The following HAUS1 variants were observed in gnomAD, a reference collection of about 807,000 sequenced individuals.
The protein encoded by HAUS1 is HAUS augmin like complex subunit 1.
In HAUS1, 25 loss-of-function variants were observed where a neutral mutation model predicts 38.6. That is an observed-to-expected ratio of 0.65 (90% CI 0.47 to 0.91). The LOEUF is 0.91. HAUS1 is among the 40% of genes least tolerant of loss of function. HAUS1 has a pLI of 0.00. For synonymous variants in HAUS1, 109 were observed against 112.9 expected, an observed-to-expected ratio of 0.97 and a Z score of 0.22; for missense variants, 325 against 328.4, an observed-to-expected ratio of 0.99 and a Z score of 0.08.
chr18:46,127,160 C>T (rs148752921), intron 8 of HAUS1, among the ~76,000 whole-genome samples: 87 of 150,922 alleles, frequency 5.8e-4, no homozygotes, highest in African/African-American at 2.0e-3. Flanking sequence ...TTAGTAGAGA[C>T]GGGGTTTCAC....
At chr18:46,118,405 A>ACT in intron 3 of HAUS1, 89 bp downstream of exon 3, 1 of 1,286,360 alleles carries the variant, frequency 7.8e-7, no homozygotes, top group African/African-American at 1.5e-5. Flanking sequence ...CTATATGAAA[A>ACT]ATTGGCAATA....
chr18:46,117,947 AAAAGAAAAAT>A (rs543959111), intron 2 of HAUS1, among the ~76,000 whole-genome samples: 45 of 152,242 alleles, frequency 3.0e-4, no homozygotes, highest in Admixed American at 2.2e-3. Flanking sequence ...CTCCATTTCA[AAAAGAAAAAT>A]AAAGAAAAAT....
chr18:46,117,483 A>G (rs2144257764), intron 2 of HAUS1, among the ~76,000 whole-genome samples: 1 of 152,304 alleles, frequency 6.6e-6, no homozygotes, highest in Non-Finnish European at 1.5e-5. Flanking sequence ...AGGCAAATGA[A>G]TAAAGACAGG....
chr18:46,123,029 G>A (rs1911989657), intron 5 of HAUS1, among the ~76,000 whole-genome samples: 1 of 152,122 alleles, frequency 6.6e-6, no homozygotes, highest in African/African-American at 2.4e-5. Context: ...GACTAACACA[G>A]TGAAACCCCG....
intron 4 of HAUS1, 128 bp from the exon 5 acceptor site, chr18:46,122,339 G>T: frequency 1.2e-6 from 1 of 836,520 alleles, no homozygotes. Flanking sequence ...CAACATGGAG[G>T]GGAAGATGAC....
chr18:46,104,440 A>C lies in HAUS1; in HGVS notation c.29A>C (p.Gln10Pro). Reference sequence around the variant, plus strand: ...GAGCCGCAGGAGGAGAGAGAAACGCAGGTGATGGGGCGGGAATGGGGATCG... The same window carrying C: ...GAGCCGCAGGAGGAGAGAGAAACGCCGGTGATGGGGCGGGAATGGGGATCG... MEPQEERET[Q>P]VAAWLKKIFG... The change falls in exon 1 of 9, where the codon CAG becomes CCG. Residue 10 changes from glutamine (Q) to proline (P), a missense_variant and splice_region_variant. By Grantham distance (76) the Gln-to-Pro change is moderately conservative. Coordinates refer to ENST00000282058, the MANE Select transcript of HAUS1 (RefSeq NM_138443.4). 3 of 1,466,408 alleles carry C rather than the reference A, an allele frequency of 2.0e-6. No individual in the cohort carries two copies. Among genetic ancestry groups the C allele is most frequent in the Non-Finnish European group, 2.7e-6 (3 of 1,099,160 alleles). The allele number at this position is 1,466,408 out of a possible 1,614,324, so 90.8% of individuals were successfully genotyped here.
intron 3 of HAUS1, among the ~76,000 whole-genome samples, chr18:46,118,898 C>T (rs983171089): frequency 3.3e-5 from 5 of 152,132 alleles, no homozygotes; most frequent in African/African-American, 1.2e-4. Context: ...GACAGAGTCT[C>T]ATTCTGTCAC....
chr18:46,113,705 T>G (rs1599811137), intron 2 of HAUS1, among the ~76,000 whole-genome samples: 1 of 152,332 alleles, frequency 6.6e-6, no homozygotes, highest in East Asian at 1.9e-4. Flanking sequence ...GTTCCTGTCT[T>G]ATTCTTTGCA....
At chr18:46,110,333 GTTTTTTTTTTTTTTTTTTT>G (rs71160713) in intron 2 of HAUS1, among the ~76,000 whole-genome samples, 1 of 49,994 alleles carries the variant, frequency 2.0e-5, no homozygotes, top group Non-Finnish European at 3.5e-5. Context: ...TTTTTTTAAG[GTTTTTTTTTTTTTTTTTTT>G]TTTTTTTTTT....
rs938096844 is a variant in HAUS1, at chr18:46,128,241, G to A, written c.*116G>A. 3.8e-6 allele frequency: 2 copies of A among 529,688 alleles called. No individual in the cohort carries two copies. Among genetic ancestry groups the A allele is most frequent in the Non-Finnish European group, 6.7e-6 (2 of 300,620 alleles). 32.8% of individuals were successfully genotyped at this position (529,688 alleles called of 1,614,324 possible). A position where few individuals can be genotyped will look rare whatever the true frequency, so the allele number is the denominator to read the frequency against. On this transcript the variant is annotated 3_prime_UTR_variant, in exon 9 of 9. Coordinates refer to ENST00000282058, the MANE Select transcript of HAUS1 (RefSeq NM_138443.4). ...AAACTTTCTGTGTTCTTAGATTACA[G>A]AATATCATAATTGATAGAATATGGT... is the stretch of plus-strand genomic sequence containing the variant.
At chr18:46,128,018 T>C (rs1912157126) in intron 8 of HAUS1, 57 bp from the exon 9 acceptor site, 1 of 1,034,348 alleles carries the variant, frequency 9.7e-7, no homozygotes, top group Non-Finnish European at 1.4e-6. Context: ...TAACATTAAA[T>C]AAAAGTTAGA....
rs71160713 is a variant in HAUS1 at position 46,110,333 on chromosome 18, G to GTTTTTTTT, written c.205+4987_205+4994dup. Among the ~76,000 whole-genome samples the GTTTTTTTT allele has an allele frequency of 1.0e-3, 52 of 50,014 alleles. 9 individuals carry two copies. The highest frequency in any genetic ancestry group is 1.3e-3 in the Non-Finnish European group (37 of 28,644). 32.8% of individuals were successfully genotyped at this position (50,014 alleles called of 152,430 possible). A position where few individuals can be genotyped will look rare whatever the true frequency, so the allele number is the denominator to read the frequency against. On this transcript the variant is annotated intron_variant, in intron 2 of 8. Coordinates refer to ENST00000282058, the MANE Select transcript of HAUS1 (RefSeq NM_138443.4). ...ACCATGCCCAGCTTATTTTTTTAAGGTTTTTTTTTTTTTTTTTTTTTTTTT... is the reference window on the plus strand; with the variant it reads ...ACCATGCCCAGCTTATTTTTTTAAGGTTTTTTTTTTTTTTTTTTTTTTTTTTTTTTTTT...
chr18:46,116,310 C>G (rs978545798), intron 2 of HAUS1, among the ~76,000 whole-genome samples: 2 of 150,954 alleles, frequency 1.3e-5, no homozygotes, highest in Non-Finnish European at 3.0e-5. Context: ...ACCTGTAATC[C>G]CACCACTTTG....
At position 46,128,123 on chromosome 18, in the gene HAUS1, T is replaced by C; in HGVS notation, c.835T>C (p.Ter279ArgextTer10). The C allele has an allele frequency of 6.3e-7, 1 of 1,582,620 alleles. No individual in the cohort carries two copies. Among genetic ancestry groups the C allele is most frequent in the Non-Finnish European group, 8.6e-7 (1 of 1,165,720 alleles). ...LTRRVDMMEL[*>R] is the part of the protein sequence containing the mutation. ...AAGAAGAGTAGACATGATGGAACTG[T>C]GACAAAAGCCAAATAAACATCCTTT... is the stretch of plus-strand genomic sequence containing the variant. The change falls in exon 9 of 9, where the codon TGA becomes CGA. Residue 279 changes from the stop codon to arginine (R), a stop_lost. Transcript: ENST00000282058.
At chr18:46,114,968 C>T (rs1911761771) in intron 2 of HAUS1, 1 of 152,204 alleles carries the variant, frequency 6.6e-6, no homozygotes, top group Admixed American at 6.6e-5. Flanking sequence ...TCACCAGTTT[C>T]ACAGAAGAGC....
chr18:46,105,413 C>A, intron 2 of HAUS1, 45 bp downstream of exon 2: 1 of 1,535,926 alleles, frequency 6.5e-7, no homozygotes. Flanking sequence ...ATAGAGGTAA[C>A]CAAATTTTAT....
At chr18:46,104,575 C>T (rs962821731) in intron 1 of HAUS1, 134 bp downstream of exon 1, 5 of 699,848 alleles carry the variant, frequency 7.1e-6, no homozygotes, top group Non-Finnish European at 1.1e-5. Context: ...CTTTTAGTGC[C>T]GCCGTCACTA....
At chr18:46,107,297 G>A (rs1482654514) in intron 2 of HAUS1, among the ~76,000 whole-genome samples, 1 of 152,036 alleles carries the variant, frequency 6.6e-6, no homozygotes, top group Non-Finnish European at 1.5e-5. Flanking sequence ...GGGACTTGGA[G>A]CCCAGAAAAA....
intron 2 of HAUS1, among the ~76,000 whole-genome samples, chr18:46,108,006 G>A (rs1246835985): frequency 6.6e-6 from 1 of 152,086 alleles, no homozygotes; most frequent in Non-Finnish European, 1.5e-5. Flanking sequence ...GCCTGGCTGT[G>A]TGGAGATTTT....
Sources: allele counts gnomAD v4.1 joint callset (sites outside exome capture counted in the v4.1 genomes callset), GRCh38; gene constraint gnomAD v4.1.1; transcripts MANE v1.5; gene names NCBI Gene and HGNC (gene_info 2026-07-23, HGNC 2026-07-21).